MLIP: variants seen among roughly 807,000 people sequenced by gnomAD.
MLIP encodes muscular LMNA-interacting protein.
Under a neutral mutation model 84.8 loss-of-function variants are expected in MLIP, and 79 were observed. That is an observed-to-expected ratio of 0.93 (90% CI 0.78 to 1.12). The LOEUF is 1.12. Ranked by LOEUF, MLIP falls within the 50% of genes most tolerant of loss-of-function variation. The pLI, the probability that MLIP is intolerant of heterozygous loss-of-function variation, is 0.00. For synonymous variants in MLIP, 504 were observed against 463.0 expected (o/e 1.09, Z -1.14); for missense variants, 1,257 against 1,160.6 (o/e 1.08, Z -1.21).
chr6:54,193,052 T>C (rs190724462), intron 10 of MLIP, among the ~76,000 whole-genome samples: 2 of 152,276 alleles, frequency 1.3e-5, no homozygotes, highest in African/African-American at 2.4e-5. Flanking sequence ...CAATTCAGAA[T>C]TGAAAAGGAA....
rs1222178538 is a variant in MLIP at position 54,137,570 on chromosome 6, C to T, written c.1501C>T (p.Pro501Ser). ...FHLPVFTKST[P>S]LSQAPSLSPT... ...CCTGCCTGTTTTCACCAAGTCTACTCCGCTTTCTCAGGCGCCCTCCCTCTC... is the reference window on the plus strand; with the variant it reads ...CCTGCCTGTTTTCACCAAGTCTACTTCGCTTTCTCAGGCGCCCTCCCTCTC... The change falls in exon 4 of 14, where the codon CCG becomes TCG. Residue 501 changes from proline (P) to serine (S), a missense_variant. Pro to Ser is a moderately conservative substitution (Grantham distance 74). Transcript: ENST00000502396. 3.9e-6 allele frequency: 6 copies of T among 1,535,990 alleles called. No homozygotes were observed. Among genetic ancestry groups the T allele is most frequent in the Non-Finnish European group, 5.2e-6 (6 of 1,146,914 alleles).
At chr6:54,153,438 A>T (rs1308109186) in intron 5 of MLIP, among the ~76,000 whole-genome samples, 2 of 152,116 alleles carry the variant, frequency 1.3e-5, no homozygotes, top group African/African-American at 4.8e-5. Context: ...AGTAGCTGGG[A>T]CTACAGGTAC....
chr6:54,068,559 C>T lies in MLIP; in HGVS notation c.63+49468C>T, dbSNP rs1378412152. Among the ~76,000 whole-genome samples, 6 of 100,290 alleles carry T rather than the reference C, an allele frequency of 6.0e-5. 1 individual carries two copies. The highest frequency in any genetic ancestry group is 1.5e-4 in the African/African-American group (6 of 39,118). The allele number at this position is 100,290 out of a possible 152,430, so 65.8% of individuals were successfully genotyped here. On this transcript the variant is annotated intron_variant, in intron 1 of 12. Transcript: ENST00000274897. ...GGAGGATGGATTTTAACAATCCATTCCCCAATTTAAGAAACCCAGAAAAAA... is the reference window on the plus strand; with the variant it reads ...GGAGGATGGATTTTAACAATCCATTTCCCAATTTAAGAAACCCAGAAAAAA...
chr6:54,222,246 A>G (rs548139336), intron 11 of MLIP, among the ~76,000 whole-genome samples: 1 of 152,140 alleles, frequency 6.6e-6, no homozygotes, highest in South Asian at 2.1e-4. Flanking sequence ...CCTCTTAGCA[A>G]TCAAGCCTAC....
upstream of MLIP, among the ~76,000 whole-genome samples, chr6:54,110,143 C>G (rs983213751): frequency 6.6e-6 from 1 of 151,632 alleles, no homozygotes; most frequent in Admixed American, 6.6e-5. Flanking sequence ...CCACAACGCC[C>G]GGCTAATTTT....
At chr6:54,155,832 C>T (rs1055187978) in intron 5 of MLIP, among the ~76,000 whole-genome samples, 17 of 152,042 alleles carry the variant, frequency 1.1e-4, no homozygotes, top group Admixed American at 1.1e-3. Context: ...CCAAAGTTGG[C>T]ACTTCTGAAC....
At chr6:54,099,929 G>GAAAT (rs1354505970) in intron 1 of MLIP, among the ~76,000 whole-genome samples, 1 of 152,070 alleles carries the variant, frequency 6.6e-6, no homozygotes, top group African/African-American at 2.4e-5. Flanking sequence ...GAGAAAAAAG[G>GAAAT]AAATCAAAAT....
At chr6:54,093,329 A>AATTCTATTGTATTCT (rs1767982767) in intron 1 of MLIP, among the ~76,000 whole-genome samples, 1 of 133,964 alleles carries the variant, frequency 7.5e-6, no homozygotes, top group Admixed American at 7.7e-5. Context: ...TTTTCGATTA[A>AATTCTATTGTATTCT]ATTCTATTCT....
chr6:54,219,236 A>T (rs1780057028), intron 11 of MLIP, among the ~76,000 whole-genome samples: 1 of 151,580 alleles, frequency 6.6e-6, no homozygotes, highest in Non-Finnish European at 1.5e-5. Flanking sequence ...TAAAAATAAA[A>T]ATAAAAATAA....
chr6:54,265,022 C>T (rs1167191568), intron 13 of MLIP, among the ~76,000 whole-genome samples: 3 of 152,108 alleles, frequency 2.0e-5, no homozygotes, highest in African/African-American at 7.2e-5. Context: ...ACTGCTTCTT[C>T]ACCTCATGAT....
chr6:54,168,208 T>C (rs12524739), intron 8 of MLIP, among the ~76,000 whole-genome samples: 15,753 of 151,874 alleles, frequency 0.1, 1,008 homozygotes, highest in Non-Finnish European at 0.15. Flanking sequence ...TTCCCTCTTG[T>C]TGGAATGCTC....
At chr6:54,173,575 A>G (rs144128355) in intron 9 of MLIP, among the ~76,000 whole-genome samples, 247 of 151,866 alleles carry the variant, frequency 1.6e-3, no homozygotes, top group African/African-American at 5.2e-3. Flanking sequence ...TTTCCTTTCT[A>G]AGCAAATTTT....
In MLIP at chr6:54,136,728, C is replaced by T; in HGVS notation, c.659C>T (p.Pro220Leu). 6.7e-7 allele frequency: 1 copy of T among 1,486,410 alleles called. No homozygotes were observed. Among genetic ancestry groups the T allele is most frequent in the Non-Finnish European group, 9.0e-7 (1 of 1,116,246 alleles). 92.1% of individuals were successfully genotyped at this position (1,486,410 alleles called of 1,614,324 possible). A position where few individuals can be genotyped will look rare whatever the true frequency, so the allele number is the denominator to read the frequency against. ...TCTTTCCTCTAGTTAACTTCTTCTC[C>T]CACTACCTCTGAGCAGCTTGCCTGT... ...QQKHGQLTSS[P>L]TTSEQLACKP... is the part of the protein sequence containing the mutation. Residue 220 changes from proline to leucine, a missense_variant, in exon 4 of 14, where the codon CCC (proline) becomes CTC (leucine). Coordinates refer to ENST00000502396, the MANE Select transcript of MLIP (RefSeq NM_001281747.2).
intron 5 of MLIP, among the ~76,000 whole-genome samples, chr6:54,156,243 A>G (rs1007008856): frequency 6.6e-6 from 1 of 152,222 alleles, no homozygotes; most frequent in Middle Eastern, 3.4e-3. Flanking sequence ...AATCAATTCT[A>G]GTAAATTTCA....
chr6:54,089,994 C>A (rs926087720), intron 1 of MLIP, among the ~76,000 whole-genome samples: 4 of 152,120 alleles, frequency 2.6e-5, no homozygotes, highest in African/African-American at 9.7e-5. Context: ...ACCTCTCCCC[C>A]TTTTAAATAG....
At chr6:54,083,624 C>A (rs1338402333) in intron 1 of MLIP, 1 of 1,535,938 alleles carries the variant, frequency 6.5e-7, no homozygotes, top group East Asian at 2.4e-5. Context: ...TCTGTGAGTT[C>A]TATGACATTA....
intron 9 of MLIP, among the ~76,000 whole-genome samples, chr6:54,182,894 A>G (rs1451232259): frequency 6.6e-6 from 1 of 152,188 alleles, no homozygotes; most frequent in East Asian, 1.9e-4. Flanking sequence ...TAAATCCTCT[A>G]CATTTTATAA....
At chr6:54,185,388 A>G (rs539425054) in intron 9 of MLIP, among the ~76,000 whole-genome samples, 1 of 152,350 alleles carries the variant, frequency 6.6e-6, no homozygotes, top group Non-Finnish European at 1.5e-5. Context: ...TACGGAGTTC[A>G]TAATACTGGA....
At chr6:54,161,812 T>C (rs1046679151) in intron 8 of MLIP, among the ~76,000 whole-genome samples, 1 of 151,962 alleles carries the variant, frequency 6.6e-6, no homozygotes, top group African/African-American at 2.4e-5. Context: ...TTGTAATTTC[T>C]GTATTTGAAG....
Sources: allele counts gnomAD v4.1 joint callset (sites outside exome capture counted in the v4.1 genomes callset), GRCh38; gene constraint gnomAD v4.1.1; transcripts MANE v1.5; gene names NCBI Gene and HGNC (gene_info 2026-07-23, HGNC 2026-07-21).